Variants in PRKN observed in about 807,000 individuals in gnomAD.
The protein encoded by PRKN is parkin RBR E3 ubiquitin protein ligase.
In PRKN, 56 loss-of-function variants were observed where a neutral mutation model predicts 59.5. The ratio of observed to expected loss-of-function variants is 0.94; its 90% CI spans 0.76 to 1.18. The LOEUF (loss-of-function observed/expected upper bound fraction) is 1.18, where lower values mean the gene tolerates loss of function less well. Ranked by LOEUF, PRKN falls within the 50% of genes most tolerant of loss-of-function variation. PRKN has a pLI of 0.00. For synonymous variants in PRKN, 250 were observed against 222.1 expected, an observed-to-expected ratio of 1.13 and a Z score of -1.12; for missense variants, 657 against 596.4, an observed-to-expected ratio of 1.10 and a Z score of -1.06.
At position 162,720,742 on chromosome 6, in the gene PRKN, G is replaced by A. The variant is rs570374058; in HGVS notation, c.7+6920C>T. ...TGGGATTACAGGCGTGAGCCACCGC[G>A]CCCGGCCCATAGATGGTCTTAATAT... is the stretch of plus-strand genomic sequence containing the variant. On this transcript the variant is annotated intron_variant, in intron 1 of 11. Coordinates refer to ENST00000366898, the MANE Select transcript of PRKN (RefSeq NM_004562.3). Among the ~76,000 whole-genome samples, 21 of 152,242 alleles carry A rather than the reference G, an allele frequency of 1.4e-4. No homozygotes were observed. In the South Asian group the frequency reaches 2.7e-3, roughly 20 times the overall value.
At chr6:161,605,514 C>CTT (rs71704943) in intron 7 of PRKN, among the ~76,000 whole-genome samples, 8 of 142,728 alleles carry the variant, frequency 5.6e-5, no homozygotes, top group East Asian at 2.0e-4. Flanking sequence ...TGCCCTCTCT[C>CTT]TTTTTTTTTT....
At chr6:161,874,955 TTATA>T (rs1794645401) in intron 6 of PRKN, among the ~76,000 whole-genome samples, 1 of 88,580 alleles carries the variant, frequency 1.1e-5, no homozygotes, top group African/African-American at 5.6e-5. Flanking sequence ...TATAGGTACT[TTATA>T]TATAATATAT....
chr6:162,050,583 A>G (rs116308452), intron 5 of PRKN, among the ~76,000 whole-genome samples: 7,193 of 152,140 alleles, frequency 0.047, 231 homozygotes, highest in Non-Finnish European at 0.067. Flanking sequence ...AATGTTGACA[A>G]TGACTAGACT....
In PRKN at chr6:162,494,969, AAAAGAACGATACC is replaced by A. The variant is rs370284166; in HGVS notation, c.8-51509_8-51497del. On this transcript the variant is annotated intron_variant, in intron 1 of 11. Coordinates refer to ENST00000366898, the MANE Select transcript of PRKN (RefSeq NM_004562.3). ...CTCCAAGGAAATGATGGCGAAGCCA[AAAAGAACGATACC>A]AAACTGGAAACCATTGATTTCAGTA... is the stretch of plus-strand genomic sequence containing the variant. 8.7e-3 allele frequency among the ~76,000 whole-genome samples: 1,325 copies of A among 152,346 alleles called. 20 individuals are homozygous for A. Among genetic ancestry groups the A allele is most frequent in the African/African-American group, 0.031 (1,273 of 41,578 alleles).
At chr6:162,582,884 T>C (rs552420552) in intron 1 of PRKN, among the ~76,000 whole-genome samples, 1 of 152,282 alleles carries the variant, frequency 6.6e-6, no homozygotes. Flanking sequence ...GGAAAGACAG[T>C]GTTTATGAAA....
At chr6:161,865,908 G>C (rs1035716659) in intron 6 of PRKN, among the ~76,000 whole-genome samples, 5 of 152,306 alleles carry the variant, frequency 3.3e-5, no homozygotes, top group Admixed American at 1.3e-4. Context: ...AAGAGGCCTA[G>C]TTTTTGGCCT....
chr6:161,795,338 T>G (rs1346200540), intron 6 of PRKN, among the ~76,000 whole-genome samples: 3 of 151,406 alleles, frequency 2.0e-5, no homozygotes, highest in Admixed American at 2.0e-4. Flanking sequence ...GTTCAAATGA[T>G]TCTCATGCCT....
rs769722629 is a variant in PRKN at position 162,443,487 on chromosome 6, T to C, written c.8-14A>G. ...ACCTGACAAACACTGACCAAGGAAA[T>C]TGGAAGGGAGAAGAGAAAGTGAGCA... On this transcript the variant is annotated splice_polypyrimidine_tract_variant and intron_variant, in intron 1 of 11. Coordinates refer to ENST00000366898, the MANE Select transcript of PRKN (RefSeq NM_004562.3). The C allele has an allele frequency of 1.7e-5, 28 of 1,613,506 alleles. No homozygotes were observed. Among genetic ancestry groups the C allele is most frequent in the Non-Finnish European group, 2.1e-5 (25 of 1,179,618 alleles).
intron 5 of PRKN, among the ~76,000 whole-genome samples, chr6:162,000,282 T>C (rs1446048231): frequency 6.6e-6 from 1 of 152,168 alleles, no homozygotes; most frequent in Non-Finnish European, 1.5e-5. Flanking sequence ...AGAGTTTTTC[T>C]TGATTCCCAT....
rs56916508 is a variant in PRKN at position 161,460,751 on chromosome 6, C to CT, written c.1084-73875dup. Among the ~76,000 whole-genome samples, 17,164 of 144,326 alleles carry CT rather than the reference C, an allele frequency of 0.12. 969 individuals are homozygous for CT. Among genetic ancestry groups the CT allele is most frequent in the African/African-American group, 0.13 (5,110 of 39,526 alleles). The allele number at this position is 144,326 out of a possible 152,430, so 94.7% of individuals were successfully genotyped here. A position where few individuals can be genotyped will look rare whatever the true frequency, so the allele number is the denominator to read the frequency against. On this transcript the variant is annotated intron_variant, in intron 9 of 11. Transcript: ENST00000366898. This position sits in a 1 kb window ranked among gnomAD's most constrained non-coding sequence, Gnocchi z 5.0. ...ATCCCACACACCAACCAAGAGTTAT[C>CT]TTTTTTTTTTTTTTCTTCAGATGGA...
At chr6:162,629,954 C>T (rs2128222388) in intron 1 of PRKN, among the ~76,000 whole-genome samples, 1 of 152,250 alleles carries the variant, frequency 6.6e-6, no homozygotes, top group Middle Eastern at 3.4e-3. Context: ...ACTTTCATTA[C>T]ATTCTACTTC....
intron 2 of PRKN, among the ~76,000 whole-genome samples, chr6:162,423,538 A>C (rs1275948089): frequency 2.6e-5 from 4 of 152,196 alleles, no homozygotes; most frequent in African/African-American, 9.6e-5. Flanking sequence ...ATCACACACA[A>C]TGACAGGGAG....
chr6:162,506,725 G>C (rs1793624190), intron 1 of PRKN, among the ~76,000 whole-genome samples: 1 of 152,036 alleles, frequency 6.6e-6, no homozygotes, highest in Non-Finnish European at 1.5e-5. Flanking sequence ...CAATACAGTG[G>C]GAAGAGATGA....
At chr6:162,400,733 G>A (rs1212345203) in intron 2 of PRKN, among the ~76,000 whole-genome samples, 1 of 152,052 alleles carries the variant, frequency 6.6e-6, no homozygotes, top group Admixed American at 6.6e-5. Context: ...GGGAAGCAGA[G>A]GAAGTACATT....
intron 3 of PRKN, among the ~76,000 whole-genome samples, chr6:162,238,416 G>A (rs1251340107): frequency 1.3e-5 from 2 of 152,174 alleles, no homozygotes; most frequent in Non-Finnish European, 2.9e-5. Context: ...GTGTTTTTCA[G>A]AAGTATGTTG....
chr6:161,986,861 C>A (rs1432361937), intron 5 of PRKN, among the ~76,000 whole-genome samples: 2 of 152,074 alleles, frequency 1.3e-5, no homozygotes, highest in East Asian at 1.9e-4. Flanking sequence ...GAGAAACATA[C>A]CTTTTGATAG....
intron 6 of PRKN, among the ~76,000 whole-genome samples, chr6:161,841,363 T>C (rs1435074835): frequency 6.6e-6 from 1 of 151,788 alleles, no homozygotes; most frequent in Non-Finnish European, 1.5e-5. Context: ...CTTTTTTTTT[T>C]TTTTGAGACA....
At chr6:162,348,358 T>C (rs1209482316) in intron 2 of PRKN, among the ~76,000 whole-genome samples, 1 of 152,034 alleles carries the variant, frequency 6.6e-6, no homozygotes, top group African/African-American at 2.4e-5. Context: ...CGACCAAAAA[T>C]ATCTGTAGAA....
At chr6:161,743,540 C>T (rs573438848) in intron 7 of PRKN, among the ~76,000 whole-genome samples, 12 of 151,890 alleles carry the variant, frequency 7.9e-5, no homozygotes, top group African/African-American at 2.4e-4. Flanking sequence ...CGAGCCACTG[C>T]GCCTGGACTT....
Sources: allele counts gnomAD v4.1 joint callset (sites outside exome capture counted in the v4.1 genomes callset), GRCh38; gene constraint gnomAD v4.1.1; non-coding constraint Gnocchi (gnomAD v3.1); transcripts MANE v1.5; gene names NCBI Gene and HGNC (gene_info 2026-07-23, HGNC 2026-07-21).